Variants in TERB1 observed in about 807,000 individuals in gnomAD.
TERB1 encodes telomere repeats-binding bouquet formation protein 1.
A neutral mutation model predicts 92.3 loss-of-function variants in TERB1; 63 were observed. The ratio of observed to expected loss-of-function variants is 0.68; its 90% CI spans 0.56 to 0.84. The LOEUF (loss-of-function observed/expected upper bound fraction) is 0.84. Ranked by LOEUF, TERB1 falls within the 40% of genes least tolerant of loss-of-function variation. TERB1 has a pLI of 0.00. For synonymous variants in TERB1, 252 were observed against 283.9 expected (o/e 0.89, Z 1.13); for missense variants, 709 against 843.7 (o/e 0.84, Z 1.98).
intron 16 of TERB1, among the ~76,000 whole-genome samples, chr16:66,765,380 A>G (rs1206715525): frequency 1.3e-5 from 2 of 152,202 alleles, no homozygotes; most frequent in South Asian, 2.1e-4. Context: ...CTTAGTAGCC[A>G]TTTGAAAAAA....
chr16:66,759,608 G>A (rs1359419528), intron 16 of TERB1, among the ~76,000 whole-genome samples: 9 of 151,826 alleles, frequency 5.9e-5, no homozygotes, highest in Non-Finnish European at 1.3e-4. Flanking sequence ...GACCAGCCTG[G>A]CCAATATGGT....
intron 9 of TERB1, among the ~76,000 whole-genome samples, chr16:66,781,731 AGG>A (rs2018642074): frequency 1.3e-5 from 2 of 152,062 alleles, no homozygotes; most frequent in African/African-American, 4.8e-5. Context: ...CGTGTTAGCC[AGG>A]ATAGTCTCAA....
intron 9 of TERB1, among the ~76,000 whole-genome samples, chr16:66,783,003 C>A (rs2018663749): frequency 6.8e-6 from 1 of 147,496 alleles, no homozygotes; most frequent in Non-Finnish European, 1.5e-5. Flanking sequence ...CAGGTGTGAA[C>A]CATTACACCT....
At position 66,772,736 on chromosome 16, in the gene TERB1, A is replaced by G; in HGVS notation, c.1125T>C (p.Ser375=). 1.3e-6 allele frequency: 2 copies of G among 1,541,444 alleles called. No homozygotes were observed. Among genetic ancestry groups the G allele is most frequent in the Non-Finnish European group, 1.7e-6 (2 of 1,143,136 alleles). ...HNCKKITEKL[S]LSLGEYPFDE... ...CAAAAGGATATTCTCCTAGACTTAG[A>G]GATAATTTCTCAGCTTTGTAGTATG... Residue 375 remains serine, a synonymous_variant, in exon 13 of 19, where the codon TCT becomes TCC. Coordinates refer to ENST00000433154, the MANE Select transcript of TERB1 (RefSeq NM_001136505.2).
chr16:66,759,913 T>C (rs2018204050), intron 16 of TERB1, among the ~76,000 whole-genome samples: 1 of 149,204 alleles, frequency 6.7e-6, no homozygotes, highest in African/African-American at 2.5e-5. Flanking sequence ...GGTGGGCTGA[T>C]CACAAGGTCA....
rs771180427 is a variant in TERB1 at position 66,783,006 on chromosome 16, T to C, written c.700+2780A>G. ...TAGCTCAGACTACAGGTGTGAACCA[T>C]TACACCTGGCTAGTTTTTAAATTTT... On this transcript the variant is annotated intron_variant, in intron 9 of 18. Transcript: ENST00000433154. Among the ~76,000 whole-genome samples, 71 of 147,346 alleles carry C rather than the reference T, an allele frequency of 4.8e-4. 1 individual carries two copies. Among genetic ancestry groups the C allele is most frequent in the Admixed American group, 1.1e-3 (17 of 15,106 alleles).
intron 12 of TERB1, 93 bp from the exon 13 acceptor site, chr16:66,772,842 A>G (rs1435923758): frequency 3.0e-6 from 3 of 997,600 alleles, no homozygotes; most frequent in Admixed American, 5.8e-5. Context: ...CTTTCTCTAA[A>G]TTTTTCCATC....
intron 6 of TERB1, among the ~76,000 whole-genome samples, chr16:66,787,561 A>G (rs1226879594): frequency 6.6e-6 from 1 of 152,196 alleles, no homozygotes; most frequent in African/African-American, 2.4e-5. Context: ...TAAATCTAAA[A>G]TTATTCCAAA....
intron 9 of TERB1, 130 bp downstream of exon 9, chr16:66,785,656 A>T: frequency 1.1e-6 from 1 of 870,264 alleles, no homozygotes; most frequent in Non-Finnish European, 1.7e-6. Flanking sequence ...TCTTATCTTT[A>T]AGAGTCTAAA....
chr16:66,793,825 T>C (rs1307603314), intron 3 of TERB1, among the ~76,000 whole-genome samples: 2 of 152,144 alleles, frequency 1.3e-5, no homozygotes, highest in Non-Finnish European at 2.9e-5. Context: ...AGTCTCACTG[T>C]TGAAAGAAAT....
Position 66,789,364 on chromosome 16 carries a change from C to T in TERB1, c.272-1067G>A, listed in dbSNP as rs1342295244. Among the ~76,000 whole-genome samples the T allele has an allele frequency of 2.1e-4, 8 of 38,382 alleles. 1 individual carries two copies. Among genetic ancestry groups the T allele is most frequent in the African/African-American group, 5.5e-4 (3 of 5,432 alleles). 25.2% of individuals were successfully genotyped at this position (38,382 alleles called of 152,430 possible). ...CTTTGGGAGGCCGAGGCGGGCGGAT[C>T]ACGAGGTCAGGAGATCGAGACCATC... On this transcript the variant is annotated intron_variant, in intron 5 of 18. Transcript: ENST00000433154.
intron 16 of TERB1, among the ~76,000 whole-genome samples, chr16:66,766,336 T>C (rs2145097716): frequency 6.6e-6 from 1 of 152,150 alleles, no homozygotes; most frequent in East Asian, 1.9e-4. Flanking sequence ...TTTAGAAGAA[T>C]AGAGATAACC....
At chr16:66,780,227 T>C (rs2018613543) in intron 9 of TERB1, among the ~76,000 whole-genome samples, 1 of 152,176 alleles carries the variant, frequency 6.6e-6, no homozygotes. Flanking sequence ...CAAAATAGAC[T>C]TCTTTCCTAG....
intron 9 of TERB1, among the ~76,000 whole-genome samples, chr16:66,779,970 G>C (rs910400469): frequency 6.6e-6 from 1 of 152,058 alleles, no homozygotes; most frequent in Admixed American, 6.6e-5. Context: ...AATAATTCTG[G>C]GCCGGGCACC....
chr16:66,796,668 G>T, intron 3 of TERB1, 100 bp downstream of exon 3: 2 of 874,646 alleles, frequency 2.3e-6, no homozygotes, highest in Non-Finnish European at 1.8e-6. Context: ...TATGTAAATG[G>T]CTGAATGATT....
At chr16:66,769,933 TAA>T (rs2018414511) in intron 14 of TERB1, 28 bp downstream of exon 14, 1 of 1,447,454 alleles carries the variant, frequency 6.9e-7, no homozygotes, top group East Asian at 2.5e-5. Flanking sequence ...GCTGAATAAA[TAA>T]AAGTTACACA....
At chr16:66,778,753 G>A in intron 10 of TERB1, 110 bp downstream of exon 10, 3 of 886,236 alleles carry the variant, frequency 3.4e-6, no homozygotes, top group Non-Finnish European at 4.7e-6. Context: ...TTCCACCTGT[G>A]AGAAACTTAG....
intron 1 of TERB1, 128 bp downstream of exon 1, chr16:66,801,338 GCC>G (rs1190552264): frequency 6.6e-6 from 1 of 152,316 alleles, no homozygotes; most frequent in Non-Finnish European, 1.5e-5. Context: ...GGGGACTACA[GCC>G]GGGGCCTGGC....
At chr16:66,777,667 G>C (rs995422345) in intron 10 of TERB1, among the ~76,000 whole-genome samples, 1 of 152,100 alleles carries the variant, frequency 6.6e-6, no homozygotes, top group Non-Finnish European at 1.5e-5. Context: ...CTTCCTAAAA[G>C]CTGAGTATGC....
Sources: gnomAD v4.1 joint callset for allele counts (sites outside exome capture counted in the v4.1 genomes callset) on GRCh38, gnomAD v4.1.1 for gene constraint, MANE v1.5 for transcripts, NCBI Gene and HGNC (gene_info 2026-07-23, HGNC 2026-07-21) for gene names.